Variants in PPP1R3B observed in about 807,000 individuals in gnomAD.
PPP1R3B encodes the protein protein phosphatase 1 regulatory subunit 3B.
In PPP1R3B, 8 loss-of-function variants were observed where a neutral mutation model predicts 14.6. That is an observed-to-expected ratio of 0.55 (90% CI 0.32 to 0.99). The LOEUF (loss-of-function observed/expected upper bound fraction) is 0.99, where lower values mean the gene tolerates loss of function less well. PPP1R3B is among the 50% of genes least tolerant of loss of function. PPP1R3B has a pLI of 0.04. For missense variants in PPP1R3B, 452 were observed against 360.1 expected, an observed-to-expected ratio of 1.26 and a Z score of -2.07; for synonymous variants, 169 against 142.0, an observed-to-expected ratio of 1.19 and a Z score of -1.35.
Position 9,138,380 on chromosome 8 carries a change from A to C in PPP1R3B, c.*2414T>G, listed in dbSNP as rs1800962429. On this transcript the variant is annotated 3_prime_UTR_variant, in exon 2 of 2. Coordinates refer to ENST00000310455, the MANE Select transcript of PPP1R3B (RefSeq NM_024607.4). ...CCCACCTGGGAGAGGTACAAAAAAC[A>C]AAGCATTAGATTTCAGGCTAAGAAC... 6.6e-6 allele frequency: 1 copy of C among 152,238 alleles called. No individual in the cohort carries two copies. The highest frequency in any genetic ancestry group is 1.5e-5 in the Non-Finnish European group (1 of 68,050). The allele number at this position is 152,238 out of a possible 1,614,324, so 9.4% of individuals were successfully genotyped here.
In PPP1R3B at chr8:9,140,989, G is replaced by A; in HGVS notation, c.663C>T (p.Tyr221=). Residue 221 remains tyrosine (Y), a synonymous_variant, in exon 2 of 2, where the codon TAC becomes TAT. Transcript: ENST00000310455. ...AVYYECNGQT[Y]WDSNRGKNYR... is the part of the protein sequence containing the mutation. ...AGTTCTTGCCTCTGTTGCTGTCCCA[G>A]TACGTCTGTCCATTGCACTCGTAGT... 3 of 1,614,154 alleles carry A rather than the reference G, an allele frequency of 1.9e-6. No individual in the cohort carries two copies. The highest frequency in any genetic ancestry group is 2.5e-6 in the Non-Finnish European group (3 of 1,180,024).
Position 9,140,850 on chromosome 8 carries a change from GACCATAGGAAC to G in PPP1R3B, c.791_801del (p.Cys264SerfsTer12). 1.2e-6 allele frequency: 2 copies of G among 1,614,130 alleles called. No individual in the cohort carries two copies. The highest frequency in any genetic ancestry group is 1.7e-6 in the Non-Finnish European group (2 of 1,180,022). Reference sequence around the variant, plus strand: ...AAGTAACTTGGCCACTCTGGAAACAGACCATAGGAACACCGAGGGCTTCCGAACTGGTCAAA... The same window carrying G: ...AAGTAACTTGGCCACTCTGGAAACAGACCGAGGGCTTCCGAACTGGTCAAA... On this transcript the variant is annotated frameshift_variant, in exon 2 of 2. Transcript: ENST00000310455. LOFTEE classifies it high-confidence loss of function.
rs1801073846 is a variant in PPP1R3B, at chr8:9,141,211, G to C, written c.441C>G (p.Gly147=). The change falls in exon 2 of 2, where the codon GGC becomes GGG. Residue 147 remains glycine (G), a synonymous_variant. Coordinates refer to ENST00000310455, the MANE Select transcript of PPP1R3B (RefSeq NM_024607.4). The stretch of plus-strand genomic sequence containing the variant: ...ATGCGAGGTTCTGAACCTTCACAGT[G>C]CCTGCAATGGCCTTGTCCTTGAGCA... ...NCVLKDKAIA[G]TVKVQNLAFE... The C allele has an allele frequency of 6.2e-7, 1 of 1,613,992 alleles. No homozygotes were observed. Among genetic ancestry groups the C allele is most frequent in the Non-Finnish European group, 8.5e-7 (1 of 1,180,028 alleles).
In PPP1R3B at chr8:9,139,382, A is replaced by G. The variant is rs1800994484; in HGVS notation, c.*1412T>C. 1 of 152,148 alleles carries G rather than the reference A, an allele frequency of 6.6e-6. No individual in the cohort carries two copies. The highest frequency in any genetic ancestry group is 6.5e-5 in the Admixed American group (1 of 15,286). The allele number at this position is 152,148 out of a possible 1,614,324, so 9.4% of individuals were successfully genotyped here. On this transcript the variant is annotated 3_prime_UTR_variant, in exon 2 of 2. Transcript: ENST00000310455. ...TCTTTACATACACACCATAAATAAG[A>G]ACACCCAAGTCCATGTCCCTGGGTG...
chr8:9,141,672 G>C lies in PPP1R3B; in HGVS notation c.-17-4C>G, dbSNP rs1585339723. On this transcript the variant is annotated splice_polypyrimidine_tract_variant and splice_region_variant and intron_variant, in intron 1 of 1. Coordinates refer to ENST00000310455, the MANE Select transcript of PPP1R3B (RefSeq NM_024607.4). ...ATCATGGGGCTAGATGAACAGGCTA[G>C]AACCGTGGAAAGGGAAGAGAAGAAA... The C allele has an allele frequency of 1.2e-6, 2 of 1,603,054 alleles. No homozygotes were observed. Among genetic ancestry groups the C allele is most frequent in the Admixed American group, 3.4e-5 (2 of 59,282 alleles).
chr8:9,144,534 T>C lies in PPP1R3B; in HGVS notation c.-17-2866A>G, dbSNP rs143087111. 5.9e-3 allele frequency among the ~76,000 whole-genome samples: 905 copies of C among 152,284 alleles called. 7 individuals are homozygous for C. The highest frequency in any genetic ancestry group is 0.021 in the African/African-American group (866 of 41,540). ...CATTAGTTAAAATTGGTACAAACTT[T>C]CTAATTTTTTAATCATTTTTTATCC... On this transcript the variant is annotated intron_variant, in intron 1 of 1. Coordinates refer to ENST00000310455, the MANE Select transcript of PPP1R3B (RefSeq NM_024607.4).
intron 1 of PPP1R3B, among the ~76,000 whole-genome samples, chr8:9,146,616 T>A (rs1369272323): frequency 1.3e-5 from 2 of 152,192 alleles, no homozygotes; most frequent in African/African-American, 2.4e-5. Context: ...AATACACATA[T>A]TCGGAAACAA....
At chr8:9,141,977 C>A (rs1359571866) in intron 1 of PPP1R3B, among the ~76,000 whole-genome samples, 2 of 152,142 alleles carry the variant, frequency 1.3e-5, no homozygotes, top group Non-Finnish European at 2.9e-5. Flanking sequence ...TTTCTTGGGG[C>A]CTTCCGTTGG....
intron 1 of PPP1R3B, among the ~76,000 whole-genome samples, chr8:9,147,182 T>G (rs1801266108): frequency 6.6e-6 from 1 of 152,102 alleles, no homozygotes; most frequent in Non-Finnish European, 1.5e-5. Flanking sequence ...AATTTTTGTA[T>G]TTTTAGTAGA....
chr8:9,144,723 A>T (rs76545655), intron 1 of PPP1R3B, among the ~76,000 whole-genome samples: 5,952 of 152,202 alleles, frequency 0.039, 186 homozygotes, highest in Non-Finnish European at 0.058. Flanking sequence ...CATCCATGTG[A>T]TGTACTTTTA....
At chr8:9,147,888 G>C (rs1431836168) in intron 1 of PPP1R3B, among the ~76,000 whole-genome samples, 1 of 152,102 alleles carries the variant, frequency 6.6e-6, no homozygotes, top group Non-Finnish European at 1.5e-5. Flanking sequence ...TTACCCGCAG[G>C]ACTACTACCC....
rs1343725827 is a variant in PPP1R3B, at chr8:9,138,772, A to G, written c.*2022T>C. Reference sequence around the variant, plus strand: ...CAGAAAATAAAAGAGTCGTTTAACCAAACTCCAAAAACAAACAAAAATAGA... The same window carrying G: ...CAGAAAATAAAAGAGTCGTTTAACCGAACTCCAAAAACAAACAAAAATAGA... On this transcript the variant is annotated 3_prime_UTR_variant, in exon 2 of 2. Coordinates refer to ENST00000310455, the MANE Select transcript of PPP1R3B (RefSeq NM_024607.4). The G allele has an allele frequency of 3.3e-5, 5 of 152,226 alleles. No homozygotes were observed. The highest frequency in any genetic ancestry group is 4.8e-5 in the African/African-American group (2 of 41,460). 9.4% of individuals were successfully genotyped at this position (152,226 alleles called of 1,614,324 possible).
At position 9,136,398 on chromosome 8, in the gene PPP1R3B, A is replaced by G. The variant is rs2117583929; in HGVS notation, c.*4396T>C. The G allele has an allele frequency of 6.6e-6, 1 of 152,368 alleles. No homozygotes were observed. Among genetic ancestry groups the G allele is most frequent in the African/African-American group, 2.4e-5 (1 of 41,598 alleles). The allele number at this position is 152,368 out of a possible 1,614,324, so 9.4% of individuals were successfully genotyped here. ...TACAAAAATATTTATCTTTTAAAACATGCAAAAATTTCTTGACAAGGCACT... is the reference window on the plus strand; with the variant it reads ...TACAAAAATATTTATCTTTTAAAACGTGCAAAAATTTCTTGACAAGGCACT... On this transcript the variant is annotated 3_prime_UTR_variant, in exon 2 of 2. Transcript: ENST00000310455.
rs891888878 is a variant in PPP1R3B, at chr8:9,140,680, C to A, written c.*114G>T. The stretch of plus-strand genomic sequence containing the variant: ...AAGAGGATCCTTTTATTTTCCCAAA[C>A]GGGGCCTCATGGAAGTTCCACGTTG... On this transcript the variant is annotated 3_prime_UTR_variant, in exon 2 of 2. Coordinates refer to ENST00000310455, the MANE Select transcript of PPP1R3B (RefSeq NM_024607.4). The A allele has an allele frequency of 7.3e-6, 8 of 1,099,536 alleles. No individual in the cohort carries two copies. The highest frequency in any genetic ancestry group is 1.0e-5 in the Non-Finnish European group (8 of 770,318). The allele number at this position is 1,099,536 out of a possible 1,614,324, so 68.1% of individuals were successfully genotyped here. A position where few individuals can be genotyped will look rare whatever the true frequency, so the allele number is the denominator to read the frequency against.
chr8:9,143,300 A>G (rs1409357515), intron 1 of PPP1R3B, among the ~76,000 whole-genome samples: 1 of 152,174 alleles, frequency 6.6e-6, no homozygotes, highest in Admixed American at 6.5e-5. Context: ...GGTGTTTCCT[A>G]TATGGCAGGC....
chr8:9,141,250 G>C lies in PPP1R3B; in HGVS notation c.402C>G (p.Cys134Trp), dbSNP rs753204775. ...FRNRLQADHV[C>W]LENCVLKDKA... ...TGTCCTTGAGCACACAGTTCTCAAG[G>C]CAGACGTGGTCGGCCTGAAGTCGAT... Residue 134 changes from cysteine to tryptophan, a missense_variant, in exon 2 of 2, where the codon TGC (cysteine) becomes TGG (tryptophan). Transcript: ENST00000310455. The C allele has an allele frequency of 1.2e-6, 2 of 1,614,170 alleles. No homozygotes were observed. The highest frequency in any genetic ancestry group is 1.7e-6 in the Non-Finnish European group (2 of 1,180,036).
chr8:9,136,413 G>A lies in PPP1R3B; in HGVS notation c.*4381C>T, dbSNP rs1056469841. Reference sequence around the variant, plus strand: ...CTTTTAAAACATGCAAAAATTTCTTGACAAGGCACTTTTAGGTATAAAATG... The same window carrying A: ...CTTTTAAAACATGCAAAAATTTCTTAACAAGGCACTTTTAGGTATAAAATG... On this transcript the variant is annotated 3_prime_UTR_variant, in exon 2 of 2. Coordinates refer to ENST00000310455, the MANE Select transcript of PPP1R3B (RefSeq NM_024607.4). 1 of 152,146 alleles carries A rather than the reference G, an allele frequency of 6.6e-6. No individual in the cohort carries two copies. Among genetic ancestry groups the A allele is most frequent in the Admixed American group, 6.5e-5 (1 of 15,276 alleles). 9.4% of individuals were successfully genotyped at this position (152,146 alleles called of 1,614,324 possible).
At chr8:9,142,493 T>C (rs1801120634) in intron 1 of PPP1R3B, 1 of 152,226 alleles carries the variant, frequency 6.6e-6, no homozygotes. Context: ...CTATTTAACA[T>C]GCATTATATC....
intron 1 of PPP1R3B, among the ~76,000 whole-genome samples, chr8:9,143,455 C>T (rs330926): frequency 3.9e-5 from 6 of 152,174 alleles, no homozygotes; most frequent in Admixed American, 3.3e-4. Context: ...GTAATCCCAA[C>T]ACTTTGGGAG....
Sources: allele counts gnomAD v4.1 joint callset (sites outside exome capture counted in the v4.1 genomes callset), GRCh38; gene constraint gnomAD v4.1.1; transcripts MANE v1.5; gene names NCBI Gene and HGNC (gene_info 2026-07-23, HGNC 2026-07-21).